The following SLC17A1 variants were observed in gnomAD, a reference collection of about 807,000 sequenced individuals.
SLC17A1 encodes sodium-dependent phosphate transport protein 1.
SLC17A1 carries 51 observed loss-of-function variants against 53.5 expected under a neutral mutation model. The observed-to-expected ratio is 0.95, with a 90% CI of 0.76 to 1.20. SLC17A1 has a LOEUF of 1.20. Among genes scored for constraint, SLC17A1 ranks in the 50% most tolerant of loss-of-function variants. The pLI is 0.00. For missense variants in SLC17A1, 538 were observed against 568.2 expected (o/e 0.95, Z 0.54); for synonymous variants, 179 against 198.8 (o/e 0.90, Z 0.84).
the SLC17A1 span, chr6:25,732,551 T>A: frequency 8.4e-6 from 5 of 595,764 alleles, no homozygotes; most frequent in Non-Finnish European, 1.4e-5. Context: ...AGGGCAACGA[T>A]GCCGAGAGGG....
At chr6:25,735,646 A>G in the SLC17A1 span, among the ~76,000 whole-genome samples, 41,344 of 152,072 alleles carry the variant, frequency 0.27, 6,839 homozygotes, top group East Asian at 0.7. Context: ...GGAAACATGT[A>G]CATACCAAGA....
the SLC17A1 span, among the ~76,000 whole-genome samples, chr6:25,753,479 G>T: frequency 6.6e-6 from 1 of 152,138 alleles, no homozygotes; most frequent in African/African-American, 2.4e-5. Context: ...TGGATTAAAA[G>T]AGAGAGAATG....
chr6:25,829,602 C>T (rs1764873994), intron 2 of SLC17A1, among the ~76,000 whole-genome samples: 1 of 152,098 alleles, frequency 6.6e-6, no homozygotes, highest in Admixed American at 6.5e-5. Context: ...TTACTCATTT[C>T]TCTCCTCCAC....
chr6:25,775,584 T>TACC, the SLC17A1 span, among the ~76,000 whole-genome samples: 1 of 151,960 alleles, frequency 6.6e-6, no homozygotes, highest in African/African-American at 2.4e-5. Flanking sequence ...CACAGGCGTG[T>TACC]ACCACCATGC....
intron 10 of SLC17A1, among the ~76,000 whole-genome samples, chr6:25,806,431 G>T (rs1349364560): frequency 6.6e-6 from 1 of 151,954 alleles, no homozygotes; most frequent in African/African-American, 2.4e-5. Flanking sequence ...TACGAAATAG[G>T]GAAAAGTTGA....
chr6:25,749,179 C>T, the SLC17A1 span, among the ~76,000 whole-genome samples: 2 of 152,202 alleles, frequency 1.3e-5, no homozygotes, highest in Non-Finnish European at 2.9e-5. Context: ...GAGGTCCCTG[C>T]GGCTTTCCGC....
chr6:25,761,465 T>C, the SLC17A1 span, among the ~76,000 whole-genome samples: 1 of 152,230 alleles, frequency 6.6e-6, no homozygotes, highest in Non-Finnish European at 1.5e-5. Flanking sequence ...TCTAACTCGG[T>C]GGAGATATCT....
chr6:25,731,702 T>A, the SLC17A1 span: 2 of 961,374 alleles, frequency 2.1e-6, no homozygotes, highest in Non-Finnish European at 3.0e-6. Context: ...AAATAAACAT[T>A]CTACAGCCCT....
the SLC17A1 span, chr6:25,770,885 C>A: frequency 6.7e-7 from 1 of 1,490,780 alleles, no homozygotes; most frequent in Non-Finnish European, 9.4e-7. Flanking sequence ...AGCCCCAAGA[C>A]GAGTCCTCTC....
intron 12 of SLC17A1, among the ~76,000 whole-genome samples, chr6:25,794,998 G>A (rs1021763835): frequency 6.6e-6 from 1 of 152,180 alleles, no homozygotes; most frequent in Non-Finnish European, 1.5e-5. Context: ...CAAATAAAAT[G>A]CCTGTGTGCT....
At chr6:25,769,228 A>T in the SLC17A1 span, 1 of 1,548,490 alleles carries the variant, frequency 6.5e-7, no homozygotes. Flanking sequence ...TCTTTGACTC[A>T]AATAATTTGA....
chr6:25,776,734 G>A, the SLC17A1 span: 2 of 1,613,930 alleles, frequency 1.2e-6, no homozygotes, highest in Non-Finnish European at 1.7e-6. Context: ...ATTGGTAAGG[G>A]AGAGACTGGA....
At chr6:25,789,615 G>A (rs1763458383) in intron 12 of SLC17A1, among the ~76,000 whole-genome samples, 2 of 152,012 alleles carry the variant, frequency 1.3e-5, no homozygotes, top group Non-Finnish European at 2.9e-5. Flanking sequence ...GAAGAACACA[G>A]GGACATCTTT....
At chr6:25,830,222 A>G (rs950464845) in intron 2 of SLC17A1, among the ~76,000 whole-genome samples, 7 of 152,176 alleles carry the variant, frequency 4.6e-5, no homozygotes, top group Non-Finnish European at 1.5e-5. Context: ...TTACAGATCT[A>G]TCTCTCTTTC....
At chr6:25,831,202 C>A (rs1484535539) in intron 1 of SLC17A1, among the ~76,000 whole-genome samples, 1 of 152,100 alleles carries the variant, frequency 6.6e-6, no homozygotes, top group African/African-American at 2.4e-5. Context: ...AGCTTTATGG[C>A]AGGAAGCTCA....
intron 3 of SLC17A1, among the ~76,000 whole-genome samples, 175 bp downstream of exon 3, chr6:25,826,286 C>T (rs1165179): frequency 0.65 from 98,693 of 152,028 alleles, 33,853 homozygotes; most frequent in African/African-American, 0.87. Context: ...TTCAGAAATA[C>T]TGAGGCATAC....
the SLC17A1 span, chr6:25,777,057 AG>A: frequency 7.4e-7 from 1 of 1,343,696 alleles, no homozygotes. Flanking sequence ...CAGGTACAAC[AG>A]GTTGCAGGAA....
chr6:25,798,563 TGTTAAA>T (rs1488023774), intron 12 of SLC17A1: 1 of 382,820 alleles, frequency 2.6e-6, no homozygotes, highest in Non-Finnish European at 4.6e-6. Context: ...CATCTTTTGA[TGTTAAA>T]GAGGCCCAGC....
chr6:25,820,964 G>A (rs368940248), intron 3 of SLC17A1, among the ~76,000 whole-genome samples: 4 of 151,232 alleles, frequency 2.6e-5, no homozygotes, highest in East Asian at 1.9e-4. Flanking sequence ...TTGAGACTAT[G>A]AGGGACGAGG....
Sources: allele counts gnomAD v4.1 joint callset (sites outside exome capture counted in the v4.1 genomes callset), GRCh38; gene constraint gnomAD v4.1.1; transcripts MANE v1.5; gene names NCBI Gene and HGNC (gene_info 2026-07-23, HGNC 2026-07-21).